Variants in PTPRD observed in about 807,000 individuals in gnomAD.
The protein encoded by PTPRD is protein tyrosine phosphatase receptor type D, also known as receptor-type tyrosine-protein phosphatase delta.
A neutral mutation model predicts 214.5 loss-of-function variants in PTPRD; 34 were observed. That is an observed-to-expected ratio of 0.16 (90% CI 0.12 to 0.21). The LOEUF (loss-of-function observed/expected upper bound fraction) is 0.21, where lower values mean the gene tolerates loss of function less well. Among genes scored for constraint, PTPRD ranks in the 10% least tolerant of loss-of-function variants. The pLI is 1.00. For missense variants in PTPRD, 2,545 were observed against 2,398.7 expected (o/e 1.06, Z -1.27); for synonymous variants, 1,128 against 845.7 (o/e 1.33, Z -5.79).
intron 8 of PTPRD, among the ~76,000 whole-genome samples, chr9:9,550,095 G>C (rs1398610666): frequency 2.0e-5 from 3 of 151,940 alleles, no homozygotes; most frequent in Admixed American, 2.0e-4. Flanking sequence ...GAATAAAGCA[G>C]ATTACCCCCC....
chr9:8,546,929 A>G (rs1319224897), intron 14 of PTPRD, among the ~76,000 whole-genome samples: 1 of 152,228 alleles, frequency 6.6e-6, no homozygotes, highest in Admixed American at 6.5e-5. Context: ...TGGTTTATTT[A>G]GCAAAGGCAC....
chr9:9,247,571 T>C (rs577254917), intron 9 of PTPRD, among the ~76,000 whole-genome samples: 1 of 152,154 alleles, frequency 6.6e-6, no homozygotes, highest in South Asian at 2.1e-4. Context: ...ATTTAAAATT[T>C]CTTTTCTTCT....
At chr9:10,120,204 T>C (rs575394367) in intron 3 of PTPRD, among the ~76,000 whole-genome samples, 99 of 151,922 alleles carry the variant, frequency 6.5e-4, no homozygotes, top group African/African-American at 1.9e-3. Context: ...GCAAATGAAT[T>C]ACTTGCATTA....
At position 8,711,077 on chromosome 9, in the gene PTPRD, C is replaced by A. The variant is rs117389127; in HGVS notation, c.64+22703G>T. On this transcript the variant is annotated intron_variant, in intron 12 of 45. Coordinates refer to ENST00000381196, the MANE Select transcript of PTPRD (RefSeq NM_002839.4). Reference sequence around the variant, plus strand: ...ATCCAAAATGTCCAATTTATAGTAACATTTAATGTTATTTCATGCCATAAC... The same window carrying A: ...ATCCAAAATGTCCAATTTATAGTAAAATTTAATGTTATTTCATGCCATAAC... Among the ~76,000 whole-genome samples, 1,273 of 152,090 alleles carry A rather than the reference C, an allele frequency of 8.4e-3. 12 individuals are homozygous for A. Among genetic ancestry groups the A allele is most frequent in the Middle Eastern group, 0.061 (17 of 280 alleles).
Position 10,016,746 on chromosome 9 carries a change from C to A in PTPRD, c.-472+16972G>T, listed in dbSNP as rs1442102898. On this transcript the variant is annotated intron_variant, in intron 4 of 45. Coordinates refer to ENST00000381196, the MANE Select transcript of PTPRD (RefSeq NM_002839.4). ...GTGGCAGGATGATGGCTCACTGCATCCTCGATCTCTTGGGCTCAAGCCAGC... is the reference window on the plus strand; with the variant it reads ...GTGGCAGGATGATGGCTCACTGCATACTCGATCTCTTGGGCTCAAGCCAGC... Among the ~76,000 whole-genome samples, 3 of 151,032 alleles carry A rather than the reference C, an allele frequency of 2.0e-5. No individual in the cohort carries two copies. In the East Asian group the frequency reaches 5.9e-4, roughly 30 times the overall value.
At chr9:8,994,660 GA>G (rs1268424901) in intron 11 of PTPRD, among the ~76,000 whole-genome samples, 2 of 151,954 alleles carry the variant, frequency 1.3e-5, no homozygotes, top group African/African-American at 4.8e-5. Flanking sequence ...ATTACGGTTG[GA>G]GGGGGGGTGT....
At chr9:9,840,178 C>G (rs2057937551) in intron 5 of PTPRD, among the ~76,000 whole-genome samples, 2 of 152,056 alleles carry the variant, frequency 1.3e-5, no homozygotes, top group Admixed American at 1.3e-4. Flanking sequence ...CCTGGCATTA[C>G]AGGCACTCAC....
rs116924696 is a variant in PTPRD at position 9,085,210 on chromosome 9, G to T, written c.-142-66475C>A. Among the ~76,000 whole-genome samples, 240 of 152,162 alleles carry T rather than the reference G, an allele frequency of 1.6e-3. 7 individuals are homozygous for T. The East Asian group carries it at 0.033, about 21-fold the overall frequency. On this transcript the variant is annotated intron_variant, in intron 10 of 45. Transcript: ENST00000381196. ...AATGGCATTGTGATAAAAAGATCAA[G>T]ACTGAAAAGAAAGATAGACACAAGA... is the stretch of plus-strand genomic sequence containing the variant.
At chr9:10,294,741 G>C (rs2095626522) in intron 3 of PTPRD, among the ~76,000 whole-genome samples, 1 of 151,594 alleles carries the variant, frequency 6.6e-6, no homozygotes, top group Admixed American at 6.6e-5. Flanking sequence ...TCAGAAATTA[G>C]GTGGATTGTA....
intron 7 of PTPRD, among the ~76,000 whole-genome samples, chr9:9,610,969 A>G (rs1450360750): frequency 2.0e-5 from 3 of 152,170 alleles, no homozygotes; most frequent in Non-Finnish European, 4.4e-5. Context: ...AAAAACAAGC[A>G]ATTAGGCACT....
At chr9:8,703,832 G>A (rs1222096334) in intron 12 of PTPRD, among the ~76,000 whole-genome samples, 1 of 151,986 alleles carries the variant, frequency 6.6e-6, no homozygotes, top group African/African-American at 2.4e-5. Flanking sequence ...TCTCCAGAAG[G>A]TTATTTAACA....
intron 4 of PTPRD, among the ~76,000 whole-genome samples, chr9:10,032,244 CT>C (rs927923218): frequency 2.6e-5 from 4 of 152,126 alleles, no homozygotes; most frequent in Admixed American, 2.6e-4. Flanking sequence ...TAATTTTCCC[CT>C]TTTCTCTTCA....
intron 5 of PTPRD, among the ~76,000 whole-genome samples, chr9:9,774,368 C>G (rs2098779199): frequency 6.6e-6 from 1 of 152,176 alleles, no homozygotes; most frequent in South Asian, 2.1e-4. Context: ...ATCTAAACAA[C>G]AGTGCACTGG....
At chr9:9,977,564 A>G (rs1040625707) in intron 4 of PTPRD, among the ~76,000 whole-genome samples, 8 of 152,284 alleles carry the variant, frequency 5.3e-5, no homozygotes, top group African/African-American at 1.9e-4. Flanking sequence ...AGGGGTTTCC[A>G]AGCCTTTGTT....
chr9:10,092,438 T>G (rs558996243), intron 3 of PTPRD, among the ~76,000 whole-genome samples: 3 of 151,524 alleles, frequency 2.0e-5, no homozygotes, highest in African/African-American at 7.2e-5. Flanking sequence ...ATATTTCTGC[T>G]GAGAAAATTT....
intron 9 of PTPRD, among the ~76,000 whole-genome samples, chr9:9,258,418 C>T (rs533285398): frequency 3.4e-5 from 5 of 149,158 alleles, no homozygotes; most frequent in Admixed American, 6.8e-5. Context: ...ATTCATTGCA[C>T]GCTTCTATTA....
intron 3 of PTPRD, among the ~76,000 whole-genome samples, chr9:10,088,789 C>T (rs925421611): frequency 6.6e-6 from 1 of 151,630 alleles, no homozygotes; most frequent in Non-Finnish European, 1.5e-5. Context: ...AGCATAATAG[C>T]TAATCACAAA....
chr9:8,888,273 T>G (rs755696753), intron 11 of PTPRD, among the ~76,000 whole-genome samples: 1 of 152,174 alleles, frequency 6.6e-6, no homozygotes, highest in Non-Finnish European at 1.5e-5. Context: ...TGTACCAACA[T>G]AGTAATACCG....
intron 9 of PTPRD, among the ~76,000 whole-genome samples, chr9:9,315,398 C>T (rs913163642): frequency 6.6e-6 from 1 of 151,758 alleles, no homozygotes; most frequent in Non-Finnish European, 1.5e-5. Context: ...TTACTATATG[C>T]CAGTAAGTTA....
Sources: allele counts gnomAD v4.1 joint callset (sites outside exome capture counted in the v4.1 genomes callset), GRCh38; gene constraint gnomAD v4.1.1; transcripts MANE v1.5; gene names NCBI Gene and HGNC (gene_info 2026-07-23, HGNC 2026-07-21).